Variants in HELLS observed in about 807,000 individuals in gnomAD.
The protein encoded by HELLS is helicase, lymphoid specific.
HELLS carries 32 observed loss-of-function variants against 120.0 expected under a neutral mutation model. That is an observed-to-expected ratio of 0.27 (90% CI 0.20 to 0.36). HELLS has a LOEUF of 0.36. Ranked by LOEUF, HELLS falls within the 10% of genes least tolerant of loss-of-function variation. The probability of loss-of-function intolerance (pLI) is 1.00; values close to 1 mark genes in which losing one functional copy is unlikely to be tolerated. For missense variants in HELLS, 650 were observed against 993.4 expected, an observed-to-expected ratio of 0.65 and a Z score of 4.65; for synonymous variants, 341 against 323.4, an observed-to-expected ratio of 1.05 and a Z score of -0.58.
chr10:94,573,523 T>G (rs1229374706), intron 7 of HELLS, among the ~76,000 whole-genome samples: 1 of 152,078 alleles, frequency 6.6e-6, no homozygotes, highest in Non-Finnish European at 1.5e-5. Flanking sequence ...TGGAGTGCAG[T>G]GGCTGTGTTC....
rs1564602793 is a variant in HELLS, at chr10:94,580,183, ACATTT to A, written c.1033-1142_1033-1138del. 3.2e-5 allele frequency among the ~76,000 whole-genome samples: 3 copies of A among 93,674 alleles called. No individual in the cohort carries two copies. In the South Asian group the frequency reaches 1.1e-3, roughly 35 times the overall value. 61.5% of individuals were successfully genotyped at this position (93,674 alleles called of 152,430 possible). ...TATATACACACACACACACACACACACATTTTTTTTTTTTTTTTTTTGAGACAGTC... is the reference window on the plus strand; with the variant it reads ...TATATACACACACACACACACACACATTTTTTTTTTTTTTTTGAGACAGTC... On this transcript the variant is annotated intron_variant, in intron 10 of 21. Transcript: ENST00000348459.
chr10:94,601,474 G>A (rs538344840), intron 21 of HELLS, 54 bp from the exon 22 acceptor site: 12 of 959,530 alleles, frequency 1.3e-5, no homozygotes, highest in Admixed American at 4.2e-5. Context: ...TTTCTTTTAC[G>A]ATTTCTTCTT....
In HELLS at chr10:94,592,218, C is replaced by T. The variant is rs1156797066; in HGVS notation, c.1768-11C>T. 1 of 1,578,834 alleles carries T rather than the reference C, an allele frequency of 6.3e-7. No individual in the cohort carries two copies. The highest frequency in any genetic ancestry group is 8.6e-7 in the Non-Finnish European group (1 of 1,159,112). ...TTCTCTCTATTTTTTCTTCCTTTGC[C>T]CCTCCTTAAGATCGATGAAGAATTG... On this transcript the variant is annotated splice_polypyrimidine_tract_variant and intron_variant, in intron 15 of 21. Transcript: ENST00000348459.
downstream of HELLS, among the ~76,000 whole-genome samples, chr10:94,606,565 G>A (rs887569176): frequency 1.2e-4 from 18 of 151,386 alleles, no homozygotes; most frequent in East Asian, 1.9e-4. Context: ...GCCCAGGCTC[G>A]TCTTGAATTC....
intron 13 of HELLS, among the ~76,000 whole-genome samples, chr10:94,589,594 C>A (rs1845359580): frequency 6.6e-6 from 1 of 151,444 alleles, no homozygotes; most frequent in South Asian, 2.1e-4. Context: ...TTTTATTGTA[C>A]ACTATAAACC....
chr10:94,551,729 T>C (rs1455528919), intron 2 of HELLS, among the ~76,000 whole-genome samples: 1 of 151,752 alleles, frequency 6.6e-6, no homozygotes, highest in Non-Finnish European at 1.5e-5. Context: ...AATGAATTCA[T>C]ACCCCCATTT....
intron 3 of HELLS, among the ~76,000 whole-genome samples, chr10:94,555,360 C>T (rs1015751320): frequency 2.6e-5 from 4 of 152,098 alleles, no homozygotes; most frequent in African/African-American, 4.8e-5. Context: ...TCGCTTGAAC[C>T]CAGGAGGCGG....
In HELLS at chr10:94,551,885, G is replaced by A. The variant is rs544517866; in HGVS notation, c.154-2241G>A. 4.6e-5 allele frequency among the ~76,000 whole-genome samples: 7 copies of A among 151,938 alleles called. No homozygotes were observed. In the South Asian group the frequency reaches 1.2e-3, roughly 27 times the overall value. On this transcript the variant is annotated intron_variant, in intron 2 of 21. Transcript: ENST00000348459. ...CTCCCAAGTAGCTGGGACTACAGGC[G>A]CCTGCAACCACACGCGGCTAATTTT...
chr10:94,571,096 T>C, intron 6 of HELLS: 1 of 218,784 alleles, frequency 4.6e-6, no homozygotes, highest in Non-Finnish European at 8.9e-6. Flanking sequence ...TTTGTTGCCA[T>C]GTGTGAATTT....
chr10:94,553,973 A>AT (rs61547368), intron 2 of HELLS, among the ~76,000 whole-genome samples, 153 bp from the exon 3 acceptor site: 3,698 of 150,152 alleles, frequency 0.025, 144 homozygotes, highest in African/African-American at 0.081. Flanking sequence ...CCCAAAAACT[A>AT]TTTTTTTTTT....
At chr10:94,595,515 C>T (rs1229028583) in intron 19 of HELLS, among the ~76,000 whole-genome samples, 1 of 152,058 alleles carries the variant, frequency 6.6e-6, no homozygotes, top group Non-Finnish European at 1.5e-5. Flanking sequence ...TTTATTGAAC[C>T]CACTGTTTCA....
downstream of HELLS, among the ~76,000 whole-genome samples, chr10:94,605,957 G>A (rs1051289777): frequency 2.0e-4 from 31 of 151,978 alleles, no homozygotes; most frequent in African/African-American, 7.0e-4. Flanking sequence ...TTTCCAGTCT[G>A]TTGAAGGTGG....
intron 10 of HELLS, chr10:94,577,010 T>A: frequency 1.7e-6 from 1 of 601,698 alleles, no homozygotes; most frequent in Non-Finnish European, 2.9e-6. Context: ...ACAATATAAT[T>A]AAAGCTTATG....
At chr10:94,552,278 C>G (rs1002888052) in intron 2 of HELLS, among the ~76,000 whole-genome samples, 2 of 152,188 alleles carry the variant, frequency 1.3e-5, no homozygotes, top group African/African-American at 2.4e-5. Flanking sequence ...ACTATCTAAT[C>G]TATAAAATTT....
At chr10:94,577,822 G>A (rs1844579111) in intron 10 of HELLS, among the ~76,000 whole-genome samples, 1 of 152,160 alleles carries the variant, frequency 6.6e-6, no homozygotes, top group Non-Finnish European at 1.5e-5. Context: ...AGCACTTTGG[G>A]AGGCCGAGGC....
At chr10:94,590,877 G>T in intron 15 of HELLS, 101 bp downstream of exon 15, 1 of 624,900 alleles carries the variant, frequency 1.6e-6, no homozygotes, top group Non-Finnish European at 2.5e-6. Context: ...AAATAAGTAT[G>T]GTGCTATTTG....
intron 4 of HELLS, among the ~76,000 whole-genome samples, chr10:94,560,907 T>C (rs936867374): frequency 2.0e-5 from 3 of 151,676 alleles, no homozygotes; most frequent in Non-Finnish European, 2.9e-5. Flanking sequence ...AATACAAAAA[T>C]TAGCCAGGCA....
intron 1 of HELLS, 26 bp from the exon 2 acceptor site, chr10:94,546,351 A>G (rs1166401501): frequency 6.2e-7 from 1 of 1,613,734 alleles, no homozygotes; most frequent in Admixed American, 1.7e-5. Flanking sequence ...TTAAAACTGC[A>G]ATTTGAAAGC....
chr10:94,587,427 T>TTG lies in HELLS; in HGVS notation c.1327-785_1327-784dup, dbSNP rs149130379. On this transcript the variant is annotated intron_variant, in intron 12 of 21. Coordinates refer to ENST00000348459, the MANE Select transcript of HELLS (RefSeq NM_018063.5). ...TTACAAATGATCCAGTTATACACTT[T>TTG]TGTGTGTGTGTGTGTGTGGAGACAG... Among the ~76,000 whole-genome samples the TTG allele has an allele frequency of 1.1e-3, 165 of 150,854 alleles. 1 individual carries two copies. Among genetic ancestry groups the TTG allele is most frequent in the South Asian group, 3.8e-3 (18 of 4,760 alleles).
Sources: gnomAD v4.1 joint callset for allele counts (sites outside exome capture counted in the v4.1 genomes callset) on GRCh38, gnomAD v4.1.1 for gene constraint, MANE v1.5 for transcripts, NCBI Gene and HGNC (gene_info 2026-07-23, HGNC 2026-07-21) for gene names.